Variants in MORN1 observed in about 807,000 individuals in gnomAD.
The protein encoded by MORN1 is MORN repeat containing 1, also known as MORN repeat-containing protein 1.
Under a neutral mutation model 61.9 loss-of-function variants are expected in MORN1, and 67 were observed. That is an observed-to-expected ratio of 1.08 (90% CI 0.89 to 1.33). MORN1 has a LOEUF of 1.33. Among genes scored for constraint, MORN1 ranks in the 40% most tolerant of loss-of-function variants. The pLI, the probability that MORN1 is intolerant of heterozygous loss-of-function variation, is 0.00. For synonymous variants in MORN1, 301 were observed against 292.0 expected, an observed-to-expected ratio of 1.03 and a Z score of -0.31; for missense variants, 752 against 691.2, an observed-to-expected ratio of 1.09 and a Z score of -0.99.
intron 13 of MORN1, chr1:2,322,988 G>A: frequency 1.0e-6 from 1 of 985,444 alleles, no homozygotes; most frequent in Non-Finnish European, 1.2e-6. Flanking sequence ...TTAGCCCCAA[G>A]TGGCCCCTGA....
rs930446224 is a variant in MORN1, at chr1:2,385,304, G to A, written c.450-239C>T. On this transcript the variant is annotated intron_variant, in intron 5 of 13. Transcript: ENST00000378531. ...GGTAGGCCTGCTCGGGACGCACTCA[G>A]CTTCCGCTACTCAAAATGGGAAATG... 4.2e-5 allele frequency: 24 copies of A among 565,160 alleles called. No homozygotes were observed. In the Admixed American group the frequency reaches 6.9e-4, roughly 16 times the overall value. 35.0% of individuals were successfully genotyped at this position (565,160 alleles called of 1,614,324 possible).
intron 12 of MORN1, among the ~76,000 whole-genome samples, chr1:2,330,135 C>T (rs574117384): frequency 6.6e-6 from 1 of 152,232 alleles, no homozygotes; most frequent in Non-Finnish European, 1.5e-5. Context: ...CAGGCCTCCC[C>T]ACCTGGGCTG....
intron 6 of MORN1, chr1:2,374,841 C>G: frequency 3.0e-6 from 1 of 330,612 alleles, no homozygotes; most frequent in Non-Finnish European, 5.5e-6. Flanking sequence ...AACAAAACCT[C>G]GAAGGGGCAC....
At chr1:2,348,823 ACGCACG>A (rs1312557626) in intron 10 of MORN1, among the ~76,000 whole-genome samples, 1 of 151,690 alleles carries the variant, frequency 6.6e-6, no homozygotes, top group Non-Finnish European at 1.5e-5. Flanking sequence ...ACGCACACAC[ACGCACG>A]CACACGCACA....
intron 12 of MORN1, among the ~76,000 whole-genome samples, chr1:2,333,777 G>A (rs563752296): frequency 5.3e-5 from 8 of 152,230 alleles, no homozygotes; most frequent in Non-Finnish European, 1.2e-4. Context: ...CCTGTGCCTG[G>A]CACGGGCTGA....
chr1:2,342,803 C>T (rs796817557), intron 10 of MORN1, among the ~76,000 whole-genome samples: 10 of 149,606 alleles, frequency 6.7e-5, no homozygotes, highest in African/African-American at 2.2e-4. Flanking sequence ...CCTGGGCTGG[C>T]CTTTCCTTTG....
At chr1:2,346,024 CTTCCTCA>C (rs1473594796) in intron 10 of MORN1, among the ~76,000 whole-genome samples, 2 of 152,032 alleles carry the variant, frequency 1.3e-5, no homozygotes, top group Admixed American at 6.6e-5. Flanking sequence ...CACCAGGAAC[CTTCCTCA>C]GACAAAGCCA....
At chr1:2,346,676 G>C (rs12409523) in intron 10 of MORN1, among the ~76,000 whole-genome samples, 25,035 of 152,190 alleles carry the variant, frequency 0.16, 2,369 homozygotes, top group East Asian at 0.38. Context: ...GTGAGCCACC[G>C]CGCCCACCCT....
chr1:2,353,266 G>T (rs951415880), intron 10 of MORN1, among the ~76,000 whole-genome samples: 1 of 152,272 alleles, frequency 6.6e-6, no homozygotes, highest in Non-Finnish European at 1.5e-5. Context: ...ATTTTCCCTG[G>T]ACACGCTGGA....
At chr1:2,324,243 C>A in intron 12 of MORN1, 100 bp from the exon 13 acceptor site, 1 of 1,293,640 alleles carries the variant, frequency 7.7e-7, no homozygotes, top group Non-Finnish European at 1.1e-6. Context: ...AGGGCAGATT[C>A]AGGGCCCCAG....
intron 10 of MORN1, among the ~76,000 whole-genome samples, chr1:2,356,502 T>G (rs1641772362): frequency 1.3e-5 from 2 of 152,100 alleles, no homozygotes; most frequent in African/African-American, 4.8e-5. Context: ...ATCCCAGCTT[T>G]GGGGACCGGG....
intron 6 of MORN1, among the ~76,000 whole-genome samples, chr1:2,381,948 G>C (rs996692447): frequency 2.0e-5 from 3 of 152,136 alleles, no homozygotes; most frequent in Admixed American, 1.3e-4. Context: ...GAGCACCCTG[G>C]TGCTGTCAGC....
chr1:2,376,226 G>C (rs1642230320), intron 6 of MORN1: 1 of 151,308 alleles, frequency 6.6e-6, no homozygotes, highest in Non-Finnish European at 1.5e-5. Context: ...CTGGGTGAGA[G>C]TCCAACGCAT....
Position 2,390,011 on chromosome 1 carries a change from G to A in MORN1, c.77-15C>T, listed in dbSNP as rs933300715. 3.7e-6 allele frequency: 6 copies of A among 1,604,546 alleles called. No homozygotes were observed. Among genetic ancestry groups the A allele is most frequent in the African/African-American group, 2.7e-5 (2 of 74,706 alleles). On this transcript the variant is annotated splice_polypyrimidine_tract_variant and intron_variant, in intron 1 of 13. Coordinates refer to ENST00000378531, the MANE Select transcript of MORN1 (RefSeq NM_024848.3). ...GACACCATAACCTGAGTATTGAGAA[G>A]ACACACACAGGTAAGCACAGACACA...
intron 6 of MORN1, among the ~76,000 whole-genome samples, chr1:2,380,523 C>A (rs1642348188): frequency 6.6e-6 from 1 of 152,108 alleles, no homozygotes; most frequent in African/African-American, 2.4e-5. Flanking sequence ...TGGATTTTAC[C>A]ATGACAAAAT....
intron 10 of MORN1, among the ~76,000 whole-genome samples, chr1:2,356,046 G>C (rs1205700448): frequency 6.6e-6 from 1 of 152,218 alleles, no homozygotes; most frequent in Admixed American, 6.5e-5. Context: ...GGAGTTGGGG[G>C]ATCACCCCAG....
intron 12 of MORN1, among the ~76,000 whole-genome samples, chr1:2,330,120 C>T (rs984456573): frequency 3.3e-5 from 5 of 152,196 alleles, no homozygotes; most frequent in African/African-American, 9.6e-5. Flanking sequence ...AGCAAGCCAG[C>T]GGCACAGGCC....
At chr1:2,332,285 A>G (rs1028170797) in intron 12 of MORN1, 2 of 266,646 alleles carry the variant, frequency 7.5e-6, no homozygotes, top group Non-Finnish European at 1.5e-5. Flanking sequence ...GGGGACACAG[A>G]TGTGGCTGTT....
intron 4 of MORN1, chr1:2,386,651 ACTC>A (rs1289819523): frequency 1.3e-5 from 2 of 152,170 alleles, no homozygotes; most frequent in Non-Finnish European, 2.9e-5. Context: ...CTGGTCTCAA[ACTC>A]CTCATCTCAG....
Sources: allele counts gnomAD v4.1 joint callset (sites outside exome capture counted in the v4.1 genomes callset), GRCh38; gene constraint gnomAD v4.1.1; transcripts MANE v1.5; gene names NCBI Gene and HGNC (gene_info 2026-07-23, HGNC 2026-07-21).